CHD6: variants seen among roughly 807,000 people sequenced by gnomAD.
CHD6 encodes chromodomain helicase DNA binding protein 6.
CHD6 carries 50 observed loss-of-function variants against 276.9 expected under a neutral mutation model. That is an observed-to-expected ratio of 0.18 (90% CI 0.14 to 0.23). The LOEUF (loss-of-function observed/expected upper bound fraction) is 0.23. Among genes scored for constraint, CHD6 ranks in the 10% least tolerant of loss-of-function variants. The pLI is 1.00. For missense variants in CHD6, 2,564 were observed against 3,365.8 expected, an observed-to-expected ratio of 0.76 and a Z score of 5.89; for synonymous variants, 1,173 against 1,229.3, an observed-to-expected ratio of 0.95 and a Z score of 0.96.
intron 7 of CHD6, 88 bp from the exon 8 acceptor site, chr20:41,497,589 A>AAC (rs1174683292): frequency 2.3e-6 from 2 of 873,654 alleles, no homozygotes; most frequent in African/African-American, 3.3e-5. Flanking sequence ...GTGACCACCT[A>AAC]ACACAGAAAT....
intron 2 of CHD6, among the ~76,000 whole-genome samples, chr20:41,536,215 G>C (rs776102744): frequency 6.6e-6 from 1 of 152,126 alleles, no homozygotes; most frequent in Non-Finnish European, 1.5e-5. Context: ...TGGGCCACAA[G>C]GTGCCAAAAA....
At chr20:41,447,212 G>A (rs2048096649) in intron 24 of CHD6, among the ~76,000 whole-genome samples, 4 of 152,060 alleles carry the variant, frequency 2.6e-5, no homozygotes, top group Admixed American at 6.5e-5. Context: ...AAGAAACCAC[G>A]GCCCCAGGTA....
chr20:41,550,112 C>CT (rs1164021941), intron 2 of CHD6, among the ~76,000 whole-genome samples: 1 of 152,156 alleles, frequency 6.6e-6, no homozygotes, highest in Non-Finnish European at 1.5e-5. Context: ...GTAATGTCTT[C>CT]TTTTTAACAG....
chr20:41,594,798 C>T (rs1601179586), intron 1 of CHD6, among the ~76,000 whole-genome samples: 1 of 152,174 alleles, frequency 6.6e-6, no homozygotes, highest in African/African-American at 2.4e-5. Context: ...CAAACACTAG[C>T]CAATCGGGTC....
chr20:41,526,892 C>T (rs184342266), intron 3 of CHD6, among the ~76,000 whole-genome samples: 18 of 152,306 alleles, frequency 1.2e-4, no homozygotes, highest in Admixed American at 9.8e-4. Flanking sequence ...TTCCTGGGTT[C>T]CACCCCAGAC....
chr20:41,444,265 G>T (rs1600870662), intron 25 of CHD6, among the ~76,000 whole-genome samples: 1 of 152,142 alleles, frequency 6.6e-6, no homozygotes, highest in Admixed American at 6.5e-5. Context: ...TTCTATCCCT[G>T]CACTGTCCAA....
intron 26 of CHD6, among the ~76,000 whole-genome samples, chr20:41,438,473 C>T (rs931960541): frequency 3.9e-5 from 6 of 151,996 alleles, no homozygotes; most frequent in African/African-American, 1.5e-4. Context: ...GCCTGTAATC[C>T]CAGCTACTTG....
chr20:41,581,834 T>C (rs1199906246), intron 1 of CHD6, among the ~76,000 whole-genome samples: 1 of 152,236 alleles, frequency 6.6e-6, no homozygotes, highest in Non-Finnish European at 1.5e-5. Context: ...ATTGTGCTAG[T>C]AGTAAAGGGA....
chr20:41,598,593 A>G (rs2045742868), intron 1 of CHD6, among the ~76,000 whole-genome samples: 1 of 152,138 alleles, frequency 6.6e-6, no homozygotes, highest in African/African-American at 2.4e-5. Flanking sequence ...GCAATAAGGC[A>G]TGCCAAACTC....
intron 2 of CHD6, among the ~76,000 whole-genome samples, chr20:41,544,732 A>C (rs1176785530): frequency 2.0e-5 from 3 of 150,532 alleles, no homozygotes; most frequent in Non-Finnish European, 4.4e-5. Context: ...TAATATGATT[A>C]CTATATAATC....
At chr20:41,538,196 C>T (rs1002250858) in intron 2 of CHD6, among the ~76,000 whole-genome samples, 3 of 152,034 alleles carry the variant, frequency 2.0e-5, no homozygotes, top group African/African-American at 7.2e-5. Flanking sequence ...ACTAAGAACA[C>T]AAAAATTAGC....
intron 3 of CHD6, 99 bp from the exon 4 acceptor site, chr20:41,515,051 A>T: frequency 7.7e-7 from 1 of 1,296,334 alleles, no homozygotes; most frequent in Non-Finnish European, 1.1e-6. Context: ...GAATTCTAGG[A>T]CCAGGGCAGG....
intron 27 of CHD6, among the ~76,000 whole-genome samples, chr20:41,426,964 GAAC>G (rs1223602569): frequency 5.6e-4 from 86 of 152,290 alleles, no homozygotes; most frequent in African/African-American, 2.0e-3. Context: ...TGACAGTACA[GAAC>G]AACCTCAGGA....
At chr20:41,497,606 A>G (rs1245205421) in intron 7 of CHD6, 105 bp from the exon 8 acceptor site, 3 of 821,442 alleles carry the variant, frequency 3.7e-6, no homozygotes, top group Non-Finnish European at 6.4e-6. Context: ...AAATAGTAAA[A>G]TGGTTTATTG....
intron 1 of CHD6, among the ~76,000 whole-genome samples, chr20:41,555,318 G>C (rs2045213050): frequency 7.0e-6 from 1 of 143,550 alleles, no homozygotes; most frequent in South Asian, 2.2e-4. Context: ...GCCGGGCAGA[G>C]GCGCCCCTCA....
At chr20:41,462,123 T>C (rs2042813778) in intron 17 of CHD6, among the ~76,000 whole-genome samples, 1 of 152,196 alleles carries the variant, frequency 6.6e-6, no homozygotes, top group South Asian at 2.1e-4. Context: ...AGGAAGTGTT[T>C]GTGTGTGTAG....
At chr20:41,536,662 TG>T (rs2044838145) in intron 2 of CHD6, among the ~76,000 whole-genome samples, 1 of 152,210 alleles carries the variant, frequency 6.6e-6, no homozygotes, top group African/African-American at 2.4e-5. Flanking sequence ...TGAAATAATA[TG>T]CTAAAACTCA....
chr20:41,465,460 TC>T (rs2042899373), intron 17 of CHD6, among the ~76,000 whole-genome samples: 1 of 152,062 alleles, frequency 6.6e-6, no homozygotes. Flanking sequence ...AAACAACTGG[TC>T]AGTACCCTTC....
intron 1 of CHD6, among the ~76,000 whole-genome samples, chr20:41,565,750 C>T (rs1011266140): frequency 1.3e-5 from 2 of 152,084 alleles, no homozygotes; most frequent in African/African-American, 2.4e-5. Context: ...GAGATCAGGA[C>T]TGGAAATGTT....
Sources: allele counts gnomAD v4.1 joint callset (sites outside exome capture counted in the v4.1 genomes callset), GRCh38; gene constraint gnomAD v4.1.1; transcripts MANE v1.5; gene names NCBI Gene and HGNC (gene_info 2026-07-23, HGNC 2026-07-21).